Variants in CIMAP2 observed in about 807,000 individuals in gnomAD.
The protein encoded by CIMAP2 is ciliary microtubule-associated protein 2.
the CIMAP2 span, among the ~76,000 whole-genome samples, chr1:54,827,004 C>T: frequency 1.3e-5 from 2 of 152,232 alleles, no homozygotes; most frequent in African/African-American, 4.8e-5. Context: ...CAGGAGGAAG[C>T]AGAGATAAAT....
the CIMAP2 span, chr1:54,811,821 G>C: frequency 7.2e-7 from 1 of 1,381,942 alleles, no homozygotes; most frequent in African/African-American, 1.7e-5. Flanking sequence ...TGGAAATTAT[G>C]GGGAGAAGGG....
At chr1:54,811,765 G>GCGGGGGGGGCCCCCCCCCCCCCCCCCC in the CIMAP2 span, 1 of 1,301,332 alleles carries the variant, frequency 7.7e-7, no homozygotes, top group Non-Finnish European at 1.1e-6. Context: ...GGTTCTGACA[G>GCGGGGGGGGCCCCCCCCCCCCCCCCCC]CCTCCATGCC....
the CIMAP2 span, chr1:54,817,074 G>A: frequency 1.9e-6 from 3 of 1,614,206 alleles, no homozygotes; most frequent in Non-Finnish European, 2.5e-6. Flanking sequence ...CTATTCCTGA[G>A]TGGATCCAAA....
the CIMAP2 span, among the ~76,000 whole-genome samples, chr1:54,816,305 C>T: frequency 5.3e-5 from 8 of 152,184 alleles, no homozygotes; most frequent in Non-Finnish European, 1.0e-4. Flanking sequence ...AACATCTCCC[C>T]AGCCCACCCC....
chr1:54,832,628 T>G, the CIMAP2 span, among the ~76,000 whole-genome samples: 2 of 152,160 alleles, frequency 1.3e-5, no homozygotes, highest in Non-Finnish European at 2.9e-5. Context: ...CTTTAGTTGT[T>G]TTAATATCAA....
chr1:54,807,034 T>A, the CIMAP2 span: 1 of 1,614,204 alleles, frequency 6.2e-7, no homozygotes, highest in Non-Finnish European at 8.5e-7. Flanking sequence ...TGGAAGAAGT[T>A]CAGCACCTTC....
At chr1:54,827,176 AAGCCACAC>A in the CIMAP2 span, among the ~76,000 whole-genome samples, 1 of 152,204 alleles carries the variant, frequency 6.6e-6, no homozygotes, top group Non-Finnish European at 1.5e-5. Context: ...AACTTGCCTA[AAGCCACAC>A]AGCTGGTGAG....
At chr1:54,813,630 G>A in the CIMAP2 span, among the ~76,000 whole-genome samples, 1 of 151,268 alleles carries the variant, frequency 6.6e-6, no homozygotes, top group African/African-American at 2.4e-5. Flanking sequence ...GGGAAAGACT[G>A]TCTGTTTCCA....
the CIMAP2 span, chr1:54,812,334 G>A: frequency 8.0e-7 from 1 of 1,255,670 alleles, no homozygotes; most frequent in South Asian, 1.4e-5. Flanking sequence ...CACAGCCAGG[G>A]CTGGATCCGG....
the CIMAP2 span, chr1:54,811,766 C>CCGGGGGGGGGGG: frequency 5.7e-5 from 75 of 1,305,120 alleles, no homozygotes; most frequent in Non-Finnish European, 6.5e-5. Flanking sequence ...GTTCTGACAG[C>CCGGGGGGGGGGG]CTCCATGCCC....
At chr1:54,828,310 CA>C in the CIMAP2 span, among the ~76,000 whole-genome samples, 4 of 151,184 alleles carry the variant, frequency 2.6e-5, no homozygotes, top group Non-Finnish European at 4.4e-5. Flanking sequence ...TTAATTGAGG[CA>C]AAAAAAGGAT....
the CIMAP2 span, among the ~76,000 whole-genome samples, chr1:54,828,913 AG>A: frequency 6.6e-6 from 1 of 152,200 alleles, no homozygotes; most frequent in East Asian, 1.9e-4. Flanking sequence ...ATGGGGCCAG[AG>A]GGGGCAACTG....
chr1:54,817,834 T>C, the CIMAP2 span, among the ~76,000 whole-genome samples: 1 of 152,232 alleles, frequency 6.6e-6, no homozygotes, highest in Admixed American at 6.5e-5. Flanking sequence ...TTTTATTTTT[T>C]ATCAAAGTAG....
chr1:54,839,723 T>C, the CIMAP2 span, among the ~76,000 whole-genome samples: 3 of 151,614 alleles, frequency 2.0e-5, no homozygotes, highest in African/African-American at 7.3e-5. Context: ...GTAAAATTCA[T>C]TCTCTTTAGG....
At chr1:54,806,672 C>A in the CIMAP2 span, among the ~76,000 whole-genome samples, 1 of 144,702 alleles carries the variant, frequency 6.9e-6, no homozygotes, top group Admixed American at 6.9e-5. Flanking sequence ...AACACAACAG[C>A]AAACCCCTGT....
the CIMAP2 span, among the ~76,000 whole-genome samples, chr1:54,813,351 G>A: frequency 6.6e-6 from 1 of 152,178 alleles, no homozygotes; most frequent in South Asian, 2.1e-4. Context: ...CACTCAGGTG[G>A]TGTACATCCT....
the CIMAP2 span, among the ~76,000 whole-genome samples, chr1:54,813,283 T>C: frequency 2.0e-5 from 3 of 152,174 alleles, no homozygotes; most frequent in African/African-American, 7.2e-5. Context: ...GTCTGTTTGC[T>C]GCAGTTGAAG....
the CIMAP2 span, chr1:54,814,849 G>C: frequency 6.2e-7 from 1 of 1,606,448 alleles, no homozygotes; most frequent in African/African-American, 1.3e-5. Flanking sequence ...GCCCTCACCT[G>C]CCCTGGGCCC....
chr1:54,808,618 A>AGGGGC, the CIMAP2 span, among the ~76,000 whole-genome samples: 75 of 82,194 alleles, frequency 9.1e-4, 16 homozygotes, highest in Non-Finnish European at 1.9e-3. Flanking sequence ...CTGCCGGGGG[A>AGGGGC]GGGCAGTGGA....
Sources: allele counts gnomAD v4.1 joint callset (sites outside exome capture counted in the v4.1 genomes callset), GRCh38; gene constraint gnomAD v4.1.1; transcripts MANE v1.5; gene names NCBI Gene and HGNC (gene_info 2026-07-23, HGNC 2026-07-21).